The following FHOD3 variants were observed in gnomAD, a reference collection of about 807,000 sequenced individuals.
FHOD3 encodes the protein FH1/FH2 domain-containing protein 3.
FHOD3 carries 90 observed loss-of-function variants against 173.0 expected under a neutral mutation model. The ratio of observed to expected loss-of-function variants is 0.52; its 90% CI spans 0.44 to 0.62. FHOD3 has a LOEUF of 0.62. Ranked by LOEUF, FHOD3 falls within the 20% of genes least tolerant of loss-of-function variation. The pLI, the probability that FHOD3 is intolerant of heterozygous loss-of-function variation, is 0.00. For synonymous variants in FHOD3, 828 were observed against 823.0 expected (o/e 1.01, Z -0.10); for missense variants, 1,945 against 2,034.7 (o/e 0.96, Z 0.85).
intron 5 of FHOD3, among the ~76,000 whole-genome samples, chr18:36,561,006 C>T (rs958460996): frequency 5.9e-5 from 9 of 152,068 alleles, no homozygotes; most frequent in Admixed American, 5.2e-4. Context: ...ATTCCGCAGA[C>T]ATTCTGTTTA....
At chr18:36,679,318 C>T (rs1415885073) in intron 14 of FHOD3, among the ~76,000 whole-genome samples, 2 of 151,738 alleles carry the variant, frequency 1.3e-5, no homozygotes, top group Non-Finnish European at 2.9e-5. Context: ...TTTGATGGAA[C>T]TTGTCTATTA....
At chr18:36,408,425 T>TGGC (rs973791923) in intron 3 of FHOD3, among the ~76,000 whole-genome samples, 28 of 151,592 alleles carry the variant, frequency 1.8e-4, no homozygotes, top group African/African-American at 6.1e-4. Context: ...TGCCCTGAGG[T>TGGC]GGCAGTGGTG....
At chr18:36,386,931 C>G (rs899907533) in intron 3 of FHOD3, among the ~76,000 whole-genome samples, 1 of 152,178 alleles carries the variant, frequency 6.6e-6, no homozygotes, top group African/African-American at 2.4e-5. Flanking sequence ...GTGGGTAGAA[C>G]TTCTGATGTC....
chr18:36,596,997 T>C (rs972512695), intron 7 of FHOD3, among the ~76,000 whole-genome samples: 5 of 152,190 alleles, frequency 3.3e-5, no homozygotes, highest in Admixed American at 2.6e-4. Flanking sequence ...CTTGGAGGAT[T>C]TGTGTTTCAT....
chr18:36,607,465 C>T (rs572900975), intron 8 of FHOD3, among the ~76,000 whole-genome samples: 1 of 152,240 alleles, frequency 6.6e-6, no homozygotes, highest in East Asian at 1.9e-4. Flanking sequence ...CTTTGAAATG[C>T]CTTTGGAGTT....
In FHOD3 at chr18:36,709,173, C is replaced by A; in HGVS notation, c.2315C>A (p.Ala772Asp). The change falls in exon 18 of 29, where the codon GCT becomes GAT. Residue 772 changes from alanine (A) to aspartate (D), a missense_variant. By Grantham distance (126) the Ala-to-Asp change is moderately radical. This residue lies in a region of FHOD3 where 1,099 missense variants were observed against 1,051.2 expected (regional missense o/e 1.05). Coordinates refer to ENST00000590592, the MANE Select transcript of FHOD3 (RefSeq NM_001281740.3). ...EAGAGQVADE[A>D]GQDIASAHEG... ...GGGGCGGGGCAGGTTGCTGATGAAG[C>A]TGGCCAGGACATAGCCTCTGCCCAC... is the stretch of plus-strand genomic sequence containing the variant. 1 of 1,614,152 alleles carries A rather than the reference C, an allele frequency of 6.2e-7. No individual in the cohort carries two copies. Among genetic ancestry groups the A allele is most frequent in the Non-Finnish European group, 8.5e-7 (1 of 1,180,034 alleles).
chr18:36,598,651 C>A lies in FHOD3; in HGVS notation c.718+3753C>A, dbSNP rs550041042. Among the ~76,000 whole-genome samples, 5 of 152,108 alleles carry A rather than the reference C, an allele frequency of 3.3e-5. No individual in the cohort carries two copies. In the South Asian group the frequency reaches 1.0e-3, roughly 32 times the overall value. ...CACTGCAAGCTCCACCTCTGCGTTA[C>A]GCCATTCTTCTGCCTCAGCCTCCCG... On this transcript the variant is annotated intron_variant, in intron 7 of 28. Coordinates refer to ENST00000590592, the MANE Select transcript of FHOD3 (RefSeq NM_001281740.3).
chr18:36,483,725 A>G (rs1054798295), intron 3 of FHOD3, among the ~76,000 whole-genome samples: 6 of 152,232 alleles, frequency 3.9e-5, no homozygotes, highest in Admixed American at 6.5e-5. Context: ...TTTCTGGCCA[A>G]TGACATATCT....
intron 5 of FHOD3, among the ~76,000 whole-genome samples, chr18:36,531,815 G>T (rs566938349): frequency 6.6e-6 from 1 of 152,194 alleles, no homozygotes; most frequent in African/African-American, 2.4e-5. Context: ...TCGGAGGCAG[G>T]ATGCTTGACA....
chr18:36,692,476 C>T (rs887534392), intron 16 of FHOD3, among the ~76,000 whole-genome samples: 4 of 152,198 alleles, frequency 2.6e-5, no homozygotes, highest in South Asian at 2.1e-4. Flanking sequence ...ATCTATAAAG[C>T]GCACTATGAG....
At chr18:36,679,157 G>A (rs1376510212) in intron 14 of FHOD3, among the ~76,000 whole-genome samples, 1 of 151,812 alleles carries the variant, frequency 6.6e-6, no homozygotes, top group Non-Finnish European at 1.5e-5. Context: ...TCAATTATAT[G>A]TTTTTAGAAA....
chr18:36,708,604 C>A (rs2040006698), intron 17 of FHOD3, among the ~76,000 whole-genome samples: 1 of 152,162 alleles, frequency 6.6e-6, no homozygotes, highest in Non-Finnish European at 1.5e-5. Context: ...TATTGGGAGA[C>A]TCTGGGAAGA....
chr18:36,412,759 AG>A (rs1305790269), intron 3 of FHOD3, among the ~76,000 whole-genome samples: 1 of 152,258 alleles, frequency 6.6e-6, no homozygotes, highest in Admixed American at 6.5e-5. Context: ...TAAAAATGTT[AG>A]GTATAGAAGT....
At chr18:36,479,367 C>T (rs1357968362) in intron 3 of FHOD3, among the ~76,000 whole-genome samples, 2 of 152,162 alleles carry the variant, frequency 1.3e-5, no homozygotes, top group Non-Finnish European at 2.9e-5. Context: ...ACCCGGGTCC[C>T]GGAGTGAGCT....
At chr18:36,559,441 C>T (rs2058013432) in intron 5 of FHOD3, among the ~76,000 whole-genome samples, 2 of 152,290 alleles carry the variant, frequency 1.3e-5, no homozygotes. Context: ...GCCCTTTCCT[C>T]CTTTCTGAAT....
At chr18:36,325,076 G>A (rs76069641) in intron 1 of FHOD3, among the ~76,000 whole-genome samples, 2 of 152,154 alleles carry the variant, frequency 1.3e-5, no homozygotes, top group African/African-American at 4.8e-5. Context: ...AGACACAGGA[G>A]AGTACATAAT....
intron 3 of FHOD3, among the ~76,000 whole-genome samples, chr18:36,459,313 A>G (rs939194454): frequency 7.2e-5 from 11 of 152,200 alleles, no homozygotes; most frequent in African/African-American, 2.7e-4. Flanking sequence ...AGAGAAAGAG[A>G]AGGTGGAAAA....
At chr18:36,597,066 A>G (rs942341183) in intron 7 of FHOD3, among the ~76,000 whole-genome samples, 2 of 152,172 alleles carry the variant, frequency 1.3e-5, no homozygotes, top group African/African-American at 4.8e-5. Context: ...TACTGTCCTA[A>G]GCTTCAGGTA....
chr18:36,653,039 G>A, intron 12 of FHOD3, 110 bp downstream of exon 12: 1 of 1,387,036 alleles, frequency 7.2e-7, no homozygotes, highest in Non-Finnish European at 9.5e-7. Context: ...GTGGATTTCA[G>A]CCCAAGCAGG....
Sources: gnomAD v4.1 joint callset for allele counts (sites outside exome capture counted in the v4.1 genomes callset) on GRCh38, gnomAD v4.1.1 for gene constraint, gnomAD v4.1.1 regional missense constraint, MANE v1.5 for transcripts, NCBI Gene and HGNC (gene_info 2026-07-23, HGNC 2026-07-21) for gene names.